Variants in DLG2 observed in about 807,000 individuals in gnomAD.
DLG2 encodes discs large MAGUK scaffold protein 2.
Under a neutral mutation model 132.5 loss-of-function variants are expected in DLG2, and 45 were observed. The ratio of observed to expected loss-of-function variants is 0.34; its 90% CI spans 0.27 to 0.44. DLG2 has a LOEUF of 0.44. Among genes scored for constraint, DLG2 ranks in the 20% least tolerant of loss-of-function variants. DLG2 has a pLI of 1.00. For missense variants in DLG2, 1,045 were observed against 1,196.9 expected, an observed-to-expected ratio of 0.87 and a Z score of 1.87; for synonymous variants, 424 against 419.6, an observed-to-expected ratio of 1.01 and a Z score of -0.13.
chr11:83,522,049 T>C (rs1465291722), intron 21 of DLG2, among the ~76,000 whole-genome samples: 1 of 152,194 alleles, frequency 6.6e-6, no homozygotes, highest in African/African-American at 2.4e-5. Context: ...GTTTACAACC[T>C]TACCACTGCC....
At chr11:84,396,084 C>T (rs746094525) in intron 7 of DLG2, among the ~76,000 whole-genome samples, 5 of 152,132 alleles carry the variant, frequency 3.3e-5, no homozygotes, top group Admixed American at 6.5e-5. Context: ...TTTGAGTGTT[C>T]TTTTAGGCCA....
chr11:85,305,877 G>A (rs1393226235), intron 3 of DLG2, among the ~76,000 whole-genome samples: 1 of 152,160 alleles, frequency 6.6e-6, no homozygotes, highest in Admixed American at 6.5e-5. Context: ...CAGAAAATGT[G>A]CAGCACTTAG....
At chr11:84,646,316 A>G (rs2099674914) in intron 6 of DLG2, among the ~76,000 whole-genome samples, 1 of 144,714 alleles carries the variant, frequency 6.9e-6, no homozygotes, top group South Asian at 2.2e-4. Flanking sequence ...CGTGGCTGTA[A>G]ATGAAAAGAA....
chr11:85,515,734 C>T (rs1038812042), intron 3 of DLG2, among the ~76,000 whole-genome samples: 4 of 151,862 alleles, frequency 2.6e-5, no homozygotes, highest in African/African-American at 9.7e-5. Flanking sequence ...CATAGCTATC[C>T]TGTTTGCTAG....
chr11:85,031,024 T>C (rs2060958891), intron 6 of DLG2, among the ~76,000 whole-genome samples: 1 of 151,986 alleles, frequency 6.6e-6, no homozygotes, highest in Admixed American at 6.5e-5. Flanking sequence ...CGCATAAGTT[T>C]CTAGATGAAA....
At chr11:84,847,951 G>C (rs2154019614) in intron 6 of DLG2, among the ~76,000 whole-genome samples, 1 of 152,188 alleles carries the variant, frequency 6.6e-6, no homozygotes, top group Admixed American at 6.5e-5. Flanking sequence ...TCAAAGAAAA[G>C]GGACATTTGG....
chr11:83,594,929 C>T (rs778167059), intron 19 of DLG2, among the ~76,000 whole-genome samples: 15 of 152,214 alleles, frequency 9.9e-5, no homozygotes, highest in Non-Finnish European at 1.6e-4. Flanking sequence ...AGATCTTCCA[C>T]TTTCTGTACC....
chr11:84,559,953 G>A (rs2154525947), intron 6 of DLG2, among the ~76,000 whole-genome samples: 1 of 152,140 alleles, frequency 6.6e-6, no homozygotes, highest in Non-Finnish European at 1.5e-5. Context: ...CTATTATTTT[G>A]ATGAAGACCT....
intron 7 of DLG2, among the ~76,000 whole-genome samples, chr11:84,314,690 AT>A: frequency 6.6e-6 from 1 of 152,006 alleles, no homozygotes; most frequent in Non-Finnish European, 1.5e-5. Context: ...TAGAACTCTA[AT>A]TTTTATATGT....
intron 7 of DLG2, among the ~76,000 whole-genome samples, chr11:84,451,697 C>G (rs1198356768): frequency 1.3e-5 from 2 of 151,688 alleles, no homozygotes; most frequent in East Asian, 1.9e-4. Context: ...AGACAACAAT[C>G]CCTACCTCAT....
At chr11:84,504,569 T>C (rs932618382) in intron 7 of DLG2, among the ~76,000 whole-genome samples, 3 of 152,192 alleles carry the variant, frequency 2.0e-5, no homozygotes, top group African/African-American at 4.8e-5. Context: ...ACATTCTTTT[T>C]CATCTTCAGA....
At chr11:85,079,763 T>C (rs866335374) in intron 6 of DLG2, among the ~76,000 whole-genome samples, 3 of 152,144 alleles carry the variant, frequency 2.0e-5, no homozygotes, top group Middle Eastern at 3.4e-3. Flanking sequence ...TTAGCCAGCT[T>C]AGGTTTACAG....
Position 84,368,194 on chromosome 11 carries a change from A to C in DLG2, c.520-116903T>G, listed in dbSNP as rs148523146. Among the ~76,000 whole-genome samples the C allele has an allele frequency of 1.1e-4, 16 of 152,296 alleles. No individual in the cohort carries two copies. In the East Asian group the frequency reaches 2.9e-3, roughly 28 times the overall value. ...TCTTCTCATTTTTCAATGGGACAGA[A>C]GGTTTGGTCAATTGTATTTATTCAC... On this transcript the variant is annotated intron_variant, in intron 7 of 27. Transcript: ENST00000376104.
intron 6 of DLG2, among the ~76,000 whole-genome samples, chr11:84,925,596 A>G (rs1408359164): frequency 6.6e-6 from 1 of 152,182 alleles, no homozygotes; most frequent in Non-Finnish European, 1.5e-5. Context: ...TTTTAAGGCA[A>G]GGAATTCATC....
At chr11:85,513,932 C>A (rs1206098885) in intron 3 of DLG2, among the ~76,000 whole-genome samples, 1 of 151,882 alleles carries the variant, frequency 6.6e-6, no homozygotes, top group Non-Finnish European at 1.5e-5. Context: ...TTCTGTTCCC[C>A]ATCCTCATTG....
intron 3 of DLG2, among the ~76,000 whole-genome samples, chr11:85,480,371 T>A (rs1290757523): frequency 6.6e-6 from 1 of 151,954 alleles, no homozygotes; most frequent in Non-Finnish European, 1.5e-5. Flanking sequence ...AAAACACAAG[T>A]ACATTCTGGA....
intron 7 of DLG2, among the ~76,000 whole-genome samples, chr11:84,418,281 T>C (rs918768274): frequency 1.3e-5 from 2 of 152,182 alleles, no homozygotes; most frequent in Non-Finnish European, 2.9e-5. Flanking sequence ...TATTTTCTAG[T>C]TTAGTTCTAT....
intron 6 of DLG2, among the ~76,000 whole-genome samples, chr11:84,587,308 T>C (rs111525618): frequency 4.6e-5 from 7 of 152,178 alleles, no homozygotes; most frequent in South Asian, 2.1e-4. Context: ...CTCTCCCTCA[T>C]AGGTATTTTG....
At chr11:84,569,650 T>G (rs1322041806) in intron 6 of DLG2, among the ~76,000 whole-genome samples, 2 of 152,194 alleles carry the variant, frequency 1.3e-5, no homozygotes, top group African/African-American at 2.4e-5. Context: ...AAAAGGTCAG[T>G]GTACAATATA....
Sources: allele counts gnomAD v4.1 joint callset (sites outside exome capture counted in the v4.1 genomes callset), GRCh38; gene constraint gnomAD v4.1.1; transcripts MANE v1.5; gene names NCBI Gene and HGNC (gene_info 2026-07-23, HGNC 2026-07-21).